The following SUPT3H variants were observed in gnomAD, a reference collection of about 807,000 sequenced individuals.
SUPT3H encodes the protein transcription initiation protein SPT3 homolog.
A neutral mutation model predicts 44.3 loss-of-function variants in SUPT3H; 44 were observed. The ratio of observed to expected loss-of-function variants is 0.99; its 90% confidence interval spans 0.78 to 1.28. The LOEUF (loss-of-function observed/expected upper bound fraction) is 1.28. Among genes scored for constraint, SUPT3H ranks in the 50% most tolerant of loss-of-function variants. The pLI is 0.00. For missense variants in SUPT3H, 380 were observed against 387.1 expected, an observed-to-expected ratio of 0.98 and a Z score of 0.15; for synonymous variants, 124 against 125.6, an observed-to-expected ratio of 0.99 and a Z score of 0.09.
chr6:45,049,871 CATA>C (rs1210253061), intron 3 of SUPT3H, among the ~76,000 whole-genome samples: 2 of 152,006 alleles, frequency 1.3e-5, no homozygotes, highest in Admixed American at 6.6e-5. Context: ...ATAATAGTTA[CATA>C]ATAATATGGA....
At chr6:44,989,440 A>G (rs890989808) in intron 6 of SUPT3H, among the ~76,000 whole-genome samples, 12 of 152,104 alleles carry the variant, frequency 7.9e-5, no homozygotes, top group Non-Finnish European at 1.0e-4. Context: ...TATCTTGGCT[A>G]TTGTGAATTA....
chr6:45,375,136 G>A (rs1357557699), intron 1 of SUPT3H, among the ~76,000 whole-genome samples: 1 of 152,216 alleles, frequency 6.6e-6, no homozygotes, highest in African/African-American at 2.4e-5. Context: ...GAACCCAGGA[G>A]GGGGAGGTTG....
intron 10 of SUPT3H, among the ~76,000 whole-genome samples, chr6:44,838,488 C>A (rs1770328844): frequency 6.6e-6 from 1 of 152,098 alleles, no homozygotes; most frequent in South Asian, 2.1e-4. Flanking sequence ...CAGCTGAGAT[C>A]TGAGTTGGGG....
At chr6:45,016,242 A>T (rs1784247529) in intron 4 of SUPT3H, among the ~76,000 whole-genome samples, 1 of 152,052 alleles carries the variant, frequency 6.6e-6, no homozygotes, top group Non-Finnish European at 1.5e-5. Context: ...GCTCCATTAT[A>T]ATCTTATGGG....
chr6:44,900,344 G>A (rs991765048), intron 10 of SUPT3H, among the ~76,000 whole-genome samples: 3 of 152,218 alleles, frequency 2.0e-5, no homozygotes, highest in Non-Finnish European at 2.9e-5. Context: ...CTTTTCCAAA[G>A]CTCTTAGCAA....
chr6:44,960,511 G>C lies in SUPT3H; in HGVS notation c.580+1242C>G, dbSNP rs115242071. Among the ~76,000 whole-genome samples the C allele has an allele frequency of 2.6e-3, 387 of 151,242 alleles. 3 individuals carry two copies. The highest frequency in any genetic ancestry group is 8.6e-3 in the African/African-American group (353 of 41,226). On this transcript the variant is annotated intron_variant, in intron 7 of 10. Coordinates refer to ENST00000371459, the MANE Select transcript of SUPT3H (RefSeq NM_003599.4). ...AGTAACTGAAAATCTGATTTTCAAA[G>C]AGAAGGCATATTAGGAGACTTTAAG...
chr6:45,062,092 GA>G (rs1052500895), intron 3 of SUPT3H, among the ~76,000 whole-genome samples: 1 of 151,454 alleles, frequency 6.6e-6, no homozygotes, highest in African/African-American at 2.4e-5. Flanking sequence ...ATTTTTATAT[GA>G]ATATACACCT....
intron 2 of SUPT3H, among the ~76,000 whole-genome samples, chr6:45,234,295 C>T (rs906188242): frequency 5.9e-5 from 9 of 151,776 alleles, no homozygotes; most frequent in Non-Finnish European, 1.0e-4. Flanking sequence ...CTTTGGGAGG[C>T]CGAGGTGGGC....
intron 3 of SUPT3H, chr6:45,098,931 C>A: frequency 9.9e-6 from 5 of 505,000 alleles, no homozygotes; most frequent in African/African-American, 3.9e-5. Flanking sequence ...CCCAAGCATC[C>A]AGAGGAAAAG....
intron 10 of SUPT3H, among the ~76,000 whole-genome samples, chr6:44,901,523 T>G (rs1287391654): frequency 6.6e-6 from 1 of 151,616 alleles, no homozygotes; most frequent in African/African-American, 2.4e-5. Flanking sequence ...TGGGACTATG[T>G]GAAAAGACCA....
At chr6:45,202,200 T>C (rs941354971) in intron 2 of SUPT3H, among the ~76,000 whole-genome samples, 3 of 151,916 alleles carry the variant, frequency 2.0e-5, no homozygotes, top group Non-Finnish European at 4.4e-5. Flanking sequence ...ACATACCCAA[T>C]AATTGGAAAT....
chr6:44,834,943 G>A (rs1769546813), intron 10 of SUPT3H, among the ~76,000 whole-genome samples: 1 of 152,102 alleles, frequency 6.6e-6, no homozygotes, highest in Admixed American at 6.5e-5. Flanking sequence ...GCAGGTAGAG[G>A]TCAAGCCATT....
chr6:45,200,533 T>C (rs998922997), intron 2 of SUPT3H, among the ~76,000 whole-genome samples: 2 of 151,452 alleles, frequency 1.3e-5, no homozygotes, highest in African/African-American at 2.4e-5. Context: ...CTAACAGATA[T>C]CATATGCTAA....
At chr6:45,310,098 G>A (rs1038809440) in intron 2 of SUPT3H, among the ~76,000 whole-genome samples, 9 of 152,304 alleles carry the variant, frequency 5.9e-5, no homozygotes, top group Non-Finnish European at 1.0e-4. Context: ...TGGGCAGCAC[G>A]GTGGGAATGA....
chr6:45,302,301 T>C (rs1782255849), intron 2 of SUPT3H, among the ~76,000 whole-genome samples: 1 of 151,806 alleles, frequency 6.6e-6, no homozygotes, highest in South Asian at 2.1e-4. Flanking sequence ...ACATAATTCT[T>C]ATGCCTTTGC....
At chr6:45,251,165 AT>A (rs1238206196) in intron 2 of SUPT3H, 2 of 152,078 alleles carry the variant, frequency 1.3e-5, no homozygotes, top group Non-Finnish European at 2.9e-5. Context: ...AAGACTTCAA[AT>A]TTTTAAGGGA....
Position 44,845,030 on chromosome 6 carries a change from C to T in SUPT3H, c.913-15173G>A, listed in dbSNP as rs574160621. On this transcript the variant is annotated intron_variant, in intron 10 of 10. Coordinates refer to ENST00000371459, the MANE Select transcript of SUPT3H (RefSeq NM_003599.4). ...ACAGTACTAGAAATGAAACACAGCA[C>T]TTAGTAAGTTTCCAAGTTGTTAGTT... Among the ~76,000 whole-genome samples the T allele has an allele frequency of 2.0e-3, 303 of 152,240 alleles. 1 individual carries two copies. Among genetic ancestry groups the T allele is most frequent in the African/African-American group, 6.7e-3 (278 of 41,540 alleles).
intron 10 of SUPT3H, among the ~76,000 whole-genome samples, chr6:44,864,932 T>C (rs772486102): frequency 1.2e-4 from 19 of 152,220 alleles, no homozygotes; most frequent in Non-Finnish European, 2.5e-4. Context: ...TCTTCTTTTA[T>C]ATCGCATTGT....
chr6:45,274,260 G>A (rs1222897289), intron 2 of SUPT3H, among the ~76,000 whole-genome samples: 1 of 152,122 alleles, frequency 6.6e-6, no homozygotes, highest in Non-Finnish European at 1.5e-5. Context: ...CGTCTTGAAA[G>A]TGTCCTTAAA....
Sources: gnomAD v4.1 joint callset for allele counts (sites outside exome capture counted in the v4.1 genomes callset) on GRCh38, gnomAD v4.1.1 for gene constraint, MANE v1.5 for transcripts, NCBI Gene and HGNC (gene_info 2026-07-23, HGNC 2026-07-21) for gene names.